The following ZNF213 variants were observed in gnomAD, a reference collection of about 807,000 sequenced individuals.
ZNF213 encodes the protein putative transcription factor CR53.
ZNF213 carries 32 observed loss-of-function variants against 46.0 expected under a neutral mutation model. The ratio of observed to expected loss-of-function variants is 0.70; its 90% CI spans 0.52 to 0.93. The LOEUF is 0.93. Ranked by LOEUF, ZNF213 falls within the 40% of genes least tolerant of loss-of-function variation. The probability of loss-of-function intolerance (pLI) is 0.00; values close to 1 mark genes in which losing one functional copy is unlikely to be tolerated. For synonymous variants in ZNF213, 297 were observed against 271.0 expected (o/e 1.10, Z -0.94); for missense variants, 639 against 652.8 (o/e 0.98, Z 0.23).
chr16:3,140,721 C>T lies in ZNF213; in HGVS notation c.754C>T (p.Leu252=). 8 of 1,524,110 alleles carry T rather than the reference C, an allele frequency of 5.2e-6. No individual in the cohort carries two copies. Among genetic ancestry groups the T allele is most frequent in the Non-Finnish European group, 7.0e-6 (8 of 1,142,188 alleles). 94.4% of individuals were successfully genotyped at this position (1,524,110 alleles called of 1,614,324 possible). ...GCTCAAAGGCCAAAGTGAGAAGTCC[C>T]TGCTGCAGGAGATGGTGCCGGTGGT... ...FGLKGQSEKS[L]LQEMVPVVPG... is the part of the protein sequence containing the mutation. The change falls in exon 6 of 6, where the codon CTG becomes TTG. Residue 252 remains leucine, a synonymous_variant. Transcript: ENST00000396878.
chr16:3,137,172 A>C lies in ZNF213; in HGVS notation c.-109A>C. On this transcript the variant is annotated 5_prime_UTR_variant, in exon 2 of 6. Coordinates refer to ENST00000396878, the MANE Select transcript of ZNF213 (RefSeq NM_004220.3). ...CATTTTGCTCTTTCCCCAGGAGTACACATCCAGATGCCAGCCCAGCTACCA... is the reference window on the plus strand; with the variant it reads ...CATTTTGCTCTTTCCCCAGGAGTACCCATCCAGATGCCAGCCCAGCTACCA... The C allele has an allele frequency of 7.0e-7, 1 of 1,428,494 alleles. No individual in the cohort carries two copies. Among genetic ancestry groups the C allele is most frequent in the East Asian group, 2.3e-5 (1 of 43,524 alleles). The allele number at this position is 1,428,494 out of a possible 1,614,324, so 88.5% of individuals were successfully genotyped here.
rs1957521203 is a variant in ZNF213, at chr16:3,135,218, G to A, written c.-285G>A. On this transcript the variant is annotated 5_prime_UTR_variant, in exon 1 of 6. Transcript: ENST00000396878. ...AGCGCCCCGAGGCAGAGGCCGGAGG[G>A]CGCGCGCACTGCTAGGAAGTGCTGG... is the stretch of plus-strand genomic sequence containing the variant. The A allele has an allele frequency of 5.2e-5, 8 of 153,208 alleles. No individual in the cohort carries two copies. The South Asian group carries it at 1.4e-3, about 27-fold the overall frequency. The allele number at this position is 153,208 out of a possible 1,614,324, so 9.5% of individuals were successfully genotyped here.
chr16:3,137,602 C>G lies in ZNF213; in HGVS notation c.322C>G (p.Gln108Glu), dbSNP rs1414153478. The G allele has an allele frequency of 6.2e-7, 1 of 1,614,024 alleles. No homozygotes were observed. The highest frequency in any genetic ancestry group is 1.1e-5 in the South Asian group (1 of 91,090). The change falls in exon 2 of 6, where the codon CAG (glutamine) becomes GAG (glutamate). Residue 108 changes from glutamine (Q) to glutamate (E), a missense_variant. Coordinates refer to ENST00000396878, the MANE Select transcript of ZNF213 (RefSeq NM_004220.3). ...PGEIQGWVRE[Q>E]HPGSGEEAVA... The stretch of plus-strand genomic sequence containing the variant: ...GGAGATCCAGGGCTGGGTGCGTGAG[C>G]AGCACCCGGGAAGCGGTGAGGAGGC...
Position 3,141,086 on chromosome 16 carries a change from C to G in ZNF213, c.1119C>G (p.Phe373Leu). The G allele has an allele frequency of 6.2e-7, 1 of 1,613,346 alleles. No individual in the cohort carries two copies. Among genetic ancestry groups the G allele is most frequent in the Non-Finnish European group, 8.5e-7 (1 of 1,179,844 alleles). ...GCGTGCACACGGGCGAGAAGCCCTTCTCCTGTTCCGAGTGCGGCAAGAGCT... is the reference window on the plus strand; with the variant it reads ...GCGTGCACACGGGCGAGAAGCCCTTGTCCTGTTCCGAGTGCGGCAAGAGCT... ...HQGVHTGEKP[F>L]SCSECGKSFS... The change falls in exon 6 of 6, where the codon TTC (phenylalanine) becomes TTG (leucine). Residue 373 changes from phenylalanine (F) to leucine (L), a missense_variant. Phe to Leu is a conservative substitution (Grantham distance 22). Transcript: ENST00000396878.
chr16:3,138,085 A>G lies in ZNF213; in HGVS notation c.400-333A>G. The G allele has an allele frequency of 1.7e-5, 8 of 464,434 alleles. No homozygotes were observed. The South Asian group carries it at 1.9e-4, about 11-fold the overall frequency. The allele number at this position is 464,434 out of a possible 1,614,324, so 28.8% of individuals were successfully genotyped here. A position where few individuals can be genotyped will look rare whatever the true frequency, so the allele number is the denominator to read the frequency against. ...TACCTTGTGGGATGTTGGGTCCTTC[A>G]CATTGGATGCATCTGGGGAGGTTCT... is the stretch of plus-strand genomic sequence containing the variant. On this transcript the variant is annotated intron_variant, in intron 2 of 5. Transcript: ENST00000396878.
chr16:3,137,454 G>A lies in ZNF213; in HGVS notation c.174G>A (p.Gly58=). The change falls in exon 2 of 6, where the codon GGG becomes GGA. Residue 58 remains glycine (G), a synonymous_variant. Coordinates refer to ENST00000396878, the MANE Select transcript of ZNF213 (RefSeq NM_004220.3). ...AATTCTGCTACGGGGATGTGCATGG[G>A]CCTCATGAGGCCTTCAGCCAGCTCT... ...FRQFCYGDVH[G]PHEAFSQLWE... 1 of 1,613,942 alleles carries A rather than the reference G, an allele frequency of 6.2e-7. No individual in the cohort carries two copies. Among genetic ancestry groups the A allele is most frequent in the Non-Finnish European group, 8.5e-7 (1 of 1,180,036 alleles).
Position 3,137,156 on chromosome 16 carries a change from C to T in ZNF213, c.-115-10C>T. ...TCCTCCTCAGTCCTGCCATTTTGCT[C>T]TTTCCCCAGGAGTACACATCCAGAT... On this transcript the variant is annotated splice_polypyrimidine_tract_variant and intron_variant, in intron 1 of 5. Coordinates refer to ENST00000396878, the MANE Select transcript of ZNF213 (RefSeq NM_004220.3). 2 of 1,347,680 alleles carry T rather than the reference C, an allele frequency of 1.5e-6. No individual in the cohort carries two copies. The highest frequency in any genetic ancestry group is 2.0e-6 in the Non-Finnish European group (2 of 1,001,460). The allele number at this position is 1,347,680 out of a possible 1,614,324, so 83.5% of individuals were successfully genotyped here.
chr16:3,138,701 C>A (rs1343757208), intron 3 of ZNF213, 44 bp from the exon 4 acceptor site: 1 of 1,613,100 alleles, frequency 6.2e-7, no homozygotes, highest in African/African-American at 1.3e-5. Context: ...GCGTCGGTGT[C>A]AAGCCTGGGC....
At position 3,137,578 on chromosome 16, in the gene ZNF213, G is replaced by C. The variant is rs1237066832; in HGVS notation, c.298G>C (p.Glu100Gln). The change falls in exon 2 of 6, where the codon GAG becomes CAG. Residue 100 changes from glutamate (E) to glutamine (Q), a missense_variant. Physicochemically the swap from Glu to Gln is conservative, Grantham distance 29. Transcript: ENST00000396878. Reference protein sequence around the residue: ...LEQFLTVLPGEIQGWVREQHP... With the variant: ...LEQFLTVLPGQIQGWVREQHP... ...GCAGTTCCTGACAGTGCTGCCAGGGGAGATCCAGGGCTGGGTGCGTGAGCA... is the reference window on the plus strand; with the variant it reads ...GCAGTTCCTGACAGTGCTGCCAGGGCAGATCCAGGGCTGGGTGCGTGAGCA... The C allele has an allele frequency of 1.9e-6, 3 of 1,614,074 alleles. No homozygotes were observed. The South Asian group carries it at 3.3e-5, about 18-fold the overall frequency.
In ZNF213 at chr16:3,141,797, C is replaced by T. The variant is rs1246948806; in HGVS notation, c.*450C>T. ...CTTTCAGTGGGCGTGGAGGACTGGC[C>T]TTGGCCCCCCAGGGGGCTGCTGGAC... On this transcript the variant is annotated 3_prime_UTR_variant, in exon 6 of 6. Transcript: ENST00000396878. 1 of 166,162 alleles carries T rather than the reference C, an allele frequency of 6.0e-6. No individual in the cohort carries two copies. Among genetic ancestry groups the T allele is most frequent in the Non-Finnish European group, 1.3e-5 (1 of 77,676 alleles). 10.3% of individuals were successfully genotyped at this position (166,162 alleles called of 1,614,324 possible).
intron 2 of ZNF213, 44 bp from the exon 3 acceptor site, chr16:3,138,374 C>G (rs754451040): frequency 9.3e-6 from 15 of 1,610,536 alleles, no homozygotes; most frequent in Admixed American, 3.4e-5. Flanking sequence ...CTGTCTCCCC[C>G]GGTCTGGTCT....
In ZNF213 at chr16:3,137,435, G is replaced by C; in HGVS notation, c.155G>C (p.Cys52Ser). ...TGCCGCCAGCGCTTCCGGCAATTCTGCTACGGGGATGTGCATGGGCCTCAT... is the reference window on the plus strand; with the variant it reads ...TGCCGCCAGCGCTTCCGGCAATTCTCCTACGGGGATGTGCATGGGCCTCAT... ...EACRQRFRQF[C>S]YGDVHGPHEA... Residue 52 changes from cysteine (C) to serine (S), a missense_variant, in exon 2 of 6, where the codon TGC becomes TCC. Physicochemically the swap from Cys to Ser is moderately radical, Grantham distance 112. Coordinates refer to ENST00000396878, the MANE Select transcript of ZNF213 (RefSeq NM_004220.3). 1 of 1,613,998 alleles carries C rather than the reference G, an allele frequency of 6.2e-7. No homozygotes were observed. The highest frequency in any genetic ancestry group is 8.5e-7 in the Non-Finnish European group (1 of 1,180,046).
chr16:3,138,695 C>T (rs374314839), intron 3 of ZNF213, 50 bp from the exon 4 acceptor site: 16 of 1,612,078 alleles, frequency 9.9e-6, no homozygotes, highest in East Asian at 4.5e-5. Context: ...CCATAGGCGT[C>T]GGTGTCAAGC....
intron 5 of ZNF213, chr16:3,139,388 C>A: frequency 2.9e-6 from 1 of 344,284 alleles, no homozygotes; most frequent in South Asian, 3.3e-5. Flanking sequence ...GCATAAGGGA[C>A]CTGAGACTCA....
chr16:3,135,319 C>A lies in ZNF213; in HGVS notation c.-184C>A, dbSNP rs1456784284. The A allele has an allele frequency of 1.3e-5, 2 of 152,372 alleles. No homozygotes were observed. The highest frequency in any genetic ancestry group is 2.9e-5 in the Non-Finnish European group (2 of 68,170). 9.4% of individuals were successfully genotyped at this position (152,372 alleles called of 1,614,324 possible). A position where few individuals can be genotyped will look rare whatever the true frequency, so the allele number is the denominator to read the frequency against. ...ATCGCCGCTCGCCCCGCGGGCGAGG[C>A]TGCGGTGGACAGCGCGGGGCTCCGG... On this transcript the variant is annotated 5_prime_UTR_variant, in exon 1 of 6. It adds an upstream start codon to the 5' untranslated region. Coordinates refer to ENST00000396878, the MANE Select transcript of ZNF213 (RefSeq NM_004220.3).
Position 3,142,070 on chromosome 16 carries a change from A to G in ZNF213, c.*723A>G, listed in dbSNP as rs12444830. 1.4e-3 allele frequency: 214 copies of G among 156,970 alleles called. 2 individuals carry two copies. Among genetic ancestry groups the G allele is most frequent in the Admixed American group, 1.0e-2 (154 of 15,402 alleles). The allele number at this position is 156,970 out of a possible 1,614,324, so 9.7% of individuals were successfully genotyped here. On this transcript the variant is annotated 3_prime_UTR_variant, in exon 6 of 6. Transcript: ENST00000396878. ...GAGGCCAACCCTGGAGACCAAGAAC[A>G]GGGCGCCTGGCTGCCATCTTTTCCT...
Position 3,141,261 on chromosome 16 carries a change from G to A in ZNF213, c.1294G>A (p.Gly432Arg). 2.5e-6 allele frequency: 4 copies of A among 1,612,016 alleles called. No homozygotes were observed. The highest frequency in any genetic ancestry group is 2.2e-5 in the East Asian group (1 of 44,876). The change falls in exon 6 of 6, where the codon GGA becomes AGA. Residue 432 changes from glycine to arginine, a missense_variant. Coordinates refer to ENST00000396878, the MANE Select transcript of ZNF213 (RefSeq NM_004220.3). ...VHTGERPFGC[G>R]ECDKSFKQRA... ...CACCGGTGAGCGGCCCTTCGGCTGC[G>A]GAGAGTGCGACAAGAGCTTCAAGCA...
chr16:3,137,253 G>T lies in ZNF213; in HGVS notation c.-28G>T. 6.5e-7 allele frequency: 1 copy of T among 1,549,854 alleles called. No individual in the cohort carries two copies. Among genetic ancestry groups the T allele is most frequent in the South Asian group, 1.2e-5 (1 of 80,946 alleles). On this transcript the variant is annotated 5_prime_UTR_variant, in exon 2 of 6. Coordinates refer to ENST00000396878, the MANE Select transcript of ZNF213 (RefSeq NM_004220.3). ...AGGTTCTGGGGCCCAGGTTGAAGCC[G>T]ACCAACCCTGAGCCTCAGGCCAGGG...
Position 3,141,661 on chromosome 16 carries a change from G to A in ZNF213, c.*314G>A, listed in dbSNP as rs1336136215. The A allele has an allele frequency of 2.5e-6, 1 of 401,176 alleles. No individual in the cohort carries two copies. The allele number at this position is 401,176 out of a possible 1,614,324, so 24.9% of individuals were successfully genotyped here. On this transcript the variant is annotated 3_prime_UTR_variant, in exon 6 of 6. Coordinates refer to ENST00000396878, the MANE Select transcript of ZNF213 (RefSeq NM_004220.3). ...GGGACAGCAGGGTGGCAAGGACTCA[G>A]GTCTAGGTCCCTTCCCAGAAGCCCC... is the stretch of plus-strand genomic sequence containing the variant.
Sources: gnomAD v4.1 joint callset for allele counts on GRCh38, gnomAD v4.1.1 for gene constraint, MANE v1.5 for transcripts, NCBI Gene and HGNC (gene_info 2026-07-23, HGNC 2026-07-21) for gene names.